CFAP46: variants seen among roughly 807,000 people sequenced by gnomAD.
CFAP46 encodes the protein cilia- and flagella-associated protein 46.
CFAP46 carries 245 observed loss-of-function variants against 325.7 expected under a neutral mutation model. That is an observed-to-expected ratio of 0.75 (90% CI 0.68 to 0.84). The LOEUF (loss-of-function observed/expected upper bound fraction) is 0.84. Ranked by LOEUF, CFAP46 falls within the 40% of genes least tolerant of loss-of-function variation. The pLI is 0.00. For synonymous variants in CFAP46, 1,523 were observed against 1,495.9 expected (o/e 1.02, Z -0.42); for missense variants, 3,346 against 3,543.0 (o/e 0.94, Z 1.41).
Position 132,924,726 on chromosome 10 carries a change from C to A in CFAP46, c.1226G>T (p.Gly409Val), listed in dbSNP as rs1334291550. 2 of 1,539,716 alleles carry A rather than the reference C, an allele frequency of 1.3e-6. No individual in the cohort carries two copies. The highest frequency in any genetic ancestry group is 1.8e-6 in the Non-Finnish European group (2 of 1,142,430). The change falls in exon 11 of 58, where the codon GGC becomes GTC. Residue 409 changes from glycine to valine, a missense_variant. Gly to Val is a moderately radical substitution (Grantham distance 109). Coordinates refer to ENST00000368586, the MANE Select transcript of CFAP46 (RefSeq NM_001200049.3). ...LRHHLRKPLA[G>V]VADVLEKLDS... ...CAGCTTCTCCAGCACGTCCGCAACG[C>A]CAGCCAGGGGCTTCCGCAGGTGGTG...
chr10:132,879,140 G>T (rs1849000872), intron 29 of CFAP46, among the ~76,000 whole-genome samples: 1 of 152,212 alleles, frequency 6.6e-6, no homozygotes, highest in African/African-American at 2.4e-5. Flanking sequence ...GGCTGATCTG[G>T]AGGGAGCCAC....
rs1478252434 is a variant in CFAP46 at position 132,880,957 on chromosome 10, G to C, written c.3703C>G (p.Leu1235Val). Residue 1235 changes from leucine to valine, a missense_variant, in exon 28 of 58, where the codon CTC (leucine) becomes GTC (valine). Physicochemically the swap from Leu to Val is conservative, Grantham distance 32 (BLOSUM62 1). Coordinates refer to ENST00000368586, the MANE Select transcript of CFAP46 (RefSeq NM_001200049.3). ...GQWLHHRHFP[L>V]EDVVFHLRWA... ...CGGAGGTGGAAGACCACGTCCTCGA[G>C]AGGAAAGTGTCTGTGATGGAGCCAC... 2 of 1,550,544 alleles carry C rather than the reference G, an allele frequency of 1.3e-6. No individual in the cohort carries two copies. The highest frequency in any genetic ancestry group is 2.4e-5 in the East Asian group (1 of 40,924).
intron 28 of CFAP46, among the ~76,000 whole-genome samples, chr10:132,880,508 G>A (rs114820445): frequency 0.085 from 12,954 of 152,238 alleles, 1,099 homozygotes; most frequent in African/African-American, 0.19. Flanking sequence ...CCGCTCCCCC[G>A]GCCTCCTGAG....
chr10:132,880,452 T>C (rs1433512891), intron 28 of CFAP46, among the ~76,000 whole-genome samples: 5 of 152,128 alleles, frequency 3.3e-5, no homozygotes, highest in African/African-American at 1.2e-4. Context: ...AGAAGCAACT[T>C]TGGGGATGGC....
intron 24 of CFAP46, among the ~76,000 whole-genome samples, chr10:132,897,772 G>A (rs1240101187): frequency 1.3e-5 from 2 of 152,256 alleles, no homozygotes; most frequent in African/African-American, 2.4e-5. Flanking sequence ...GGAGCCAGCC[G>A]AGGAGGGTCC....
rs570059717 is a variant in CFAP46, at chr10:132,860,844, T to C, written c.5029A>G (p.Asn1677Asp). The change falls in exon 36 of 58, where the codon AAT (asparagine) becomes GAT (aspartate). Residue 1677 changes from asparagine to aspartate, a missense_variant. Asn to Asp is a conservative substitution (Grantham distance 23, BLOSUM62 1). Coordinates refer to ENST00000368586, the MANE Select transcript of CFAP46 (RefSeq NM_001200049.3). ...HLGGSEEFWYNSTLTLAEALL... is the reference protein window; with the variant it reads ...HLGGSEEFWYDSTLTLAEALL... The stretch of plus-strand genomic sequence containing the variant: ...GCCTCTGCCAGGGTCAGAGTGGAAT[T>C]GTACCAGAACTCCTCACTTCCGCCC... The C allele has an allele frequency of 9.0e-6, 14 of 1,551,090 alleles. No homozygotes were observed. Among genetic ancestry groups the C allele is most frequent in the Middle Eastern group, 1.7e-4 (1 of 5,992 alleles).
chr10:132,867,668 G>T (rs533701642), intron 33 of CFAP46, among the ~76,000 whole-genome samples, 161 bp from the exon 34 acceptor site: 4 of 152,126 alleles, frequency 2.6e-5, no homozygotes, highest in African/African-American at 9.7e-5. Flanking sequence ...CGGCACATCC[G>T]ACTCCCAAAT....
At chr10:132,826,052 GTAGCCACA>G (rs1848041173) in intron 50 of CFAP46, among the ~76,000 whole-genome samples, 7 of 61,264 alleles carry the variant, frequency 1.1e-4, no homozygotes, top group African/African-American at 2.3e-4. Context: ...GGCAGGAGCC[GTAGCCACA>G]GAGACCAGCC....
intron 4 of CFAP46, among the ~76,000 whole-genome samples, chr10:132,940,592 T>A (rs887118350): frequency 9.9e-5 from 15 of 151,930 alleles, no homozygotes; most frequent in Admixed American, 2.6e-4. Flanking sequence ...TTTTTTTTTT[T>A]TTATTGATAC....
In CFAP46 at chr10:132,919,296, C is replaced by T. The variant is rs568177668; in HGVS notation, c.1858+19G>A. ...GGCCGTGGCCAGGCTGGGACACACTCGTGAGGGCGGGTACGAACCTCGCCG... is the reference window on the plus strand; with the variant it reads ...GGCCGTGGCCAGGCTGGGACACACTTGTGAGGGCGGGTACGAACCTCGCCG... On this transcript the variant is annotated intron_variant, in intron 15 of 57. Transcript: ENST00000368586. The surrounding 1 kb of genome is among the most constrained non-coding windows in gnomAD (Gnocchi z 9.7). 1.4e-5 allele frequency: 21 copies of T among 1,545,740 alleles called. No homozygotes were observed. The highest frequency in any genetic ancestry group is 3.4e-4 in the Middle Eastern group (2 of 5,810).
chr10:132,862,277 G>A (rs928904544), intron 35 of CFAP46, among the ~76,000 whole-genome samples: 3 of 152,204 alleles, frequency 2.0e-5, no homozygotes, highest in South Asian at 4.1e-4. Flanking sequence ...AGGGTCCAAC[G>A]GGGCCGGGCC....
chr10:132,929,570 C>A (rs141145523), intron 9 of CFAP46, 135 bp downstream of exon 9: 1 of 849,230 alleles, frequency 1.2e-6, no homozygotes, highest in Admixed American at 1.7e-5. Context: ...GTAGGAAAGA[C>A]GGCAATGTGC....
At position 132,832,346 on chromosome 10, in the gene CFAP46, A is replaced by AACTGTCTG. The variant is rs1211266748; in HGVS notation, c.7117+1004_7117+1011dup. Among the ~76,000 whole-genome samples, 11 of 150,542 alleles carry AACTGTCTG rather than the reference A, an allele frequency of 7.3e-5. No homozygotes were observed. Among genetic ancestry groups the AACTGTCTG allele is most frequent in the African/African-American group, 2.5e-4 (10 of 40,612 alleles). On this transcript the variant is annotated intron_variant, in intron 50 of 57. Transcript: ENST00000368586. The surrounding 1 kb of genome is among the most constrained non-coding windows in gnomAD (Gnocchi z 4.1). Reference sequence around the variant, plus strand: ...GTAGTTGTCAGTTTCCCAGACTCCAAACTGTCTGTCCTCAACTTGCGGAGA... The same window carrying AACTGTCTG: ...GTAGTTGTCAGTTTCCCAGACTCCAAACTGTCTGACTGTCTGTCCTCAACTTGCGGAGA...
At chr10:132,848,815 C>A (rs1194243674) in intron 41 of CFAP46, among the ~76,000 whole-genome samples, 2 of 152,154 alleles carry the variant, frequency 1.3e-5, no homozygotes. Context: ...TGTCCACGCG[C>A]CTTAATTTTC....
In CFAP46 at chr10:132,814,924, A is replaced by C; in HGVS notation, c.7118-10T>G. 6.2e-7 allele frequency: 1 copy of C among 1,614,026 alleles called. No individual in the cohort carries two copies. The highest frequency in any genetic ancestry group is 1.1e-5 in the South Asian group (1 of 91,076). On this transcript the variant is annotated splice_polypyrimidine_tract_variant and intron_variant, in intron 50 of 57. Coordinates refer to ENST00000368586, the MANE Select transcript of CFAP46 (RefSeq NM_001200049.3). ...TTTTTCACGCCACCTTCTGTTGAAG[A>C]CAAGAAAGAGGCAGGGATGTTTGGC...
chr10:132,938,512 C>T lies in CFAP46; in HGVS notation c.536+77G>A, dbSNP rs969792633. On this transcript the variant is annotated intron_variant, in intron 5 of 57. Coordinates refer to ENST00000368586, the MANE Select transcript of CFAP46 (RefSeq NM_001200049.3). ...TGATGTGGAACTCCCGTCCCCCCCC[C>T]GGAGAAGGGGTGGTGGCCTCAGAGC... 18 of 1,350,598 alleles carry T rather than the reference C, an allele frequency of 1.3e-5. No individual in the cohort carries two copies. The East Asian group carries it at 1.4e-4, about 11-fold the overall frequency. 83.7% of individuals were successfully genotyped at this position (1,350,598 alleles called of 1,614,324 possible).
At chr10:132,829,522 CT>C (rs1313509232) in intron 50 of CFAP46, among the ~76,000 whole-genome samples, 2 of 152,224 alleles carry the variant, frequency 1.3e-5, no homozygotes, top group African/African-American at 2.4e-5. Flanking sequence ...GATGCTTTTC[CT>C]TTTTTCTTCC....
chr10:132,892,777 G>A (rs1182784443), intron 24 of CFAP46, among the ~76,000 whole-genome samples: 1 of 152,104 alleles, frequency 6.6e-6, no homozygotes, highest in African/African-American at 2.4e-5. Context: ...ACTTGGCCCA[G>A]GTAAACTCTC....
intron 50 of CFAP46, among the ~76,000 whole-genome samples, chr10:132,831,004 C>A (rs576692181): frequency 6.6e-6 from 1 of 152,322 alleles, no homozygotes; most frequent in East Asian, 1.9e-4. Context: ...ACAATATTTT[C>A]TAAATTTCCC....
Sources: gnomAD v4.1 joint callset for allele counts (sites outside exome capture counted in the v4.1 genomes callset) on GRCh38, gnomAD v4.1.1 for gene constraint, Gnocchi (gnomAD v3.1) non-coding constraint, MANE v1.5 for transcripts, NCBI Gene and HGNC (gene_info 2026-07-23, HGNC 2026-07-21) for gene names.